The following PRIMPOL variants were observed in gnomAD, a reference collection of about 807,000 sequenced individuals.
PRIMPOL encodes the protein primase and DNA directed polymerase.
In PRIMPOL, 54 loss-of-function variants were observed where a neutral mutation model predicts 63.6. The observed-to-expected ratio is 0.85, with a 90% CI of 0.68 to 1.07. PRIMPOL has a LOEUF of 1.07. Ranked by LOEUF, PRIMPOL falls within the 50% of genes least tolerant of loss-of-function variation. The pLI, the probability that PRIMPOL is intolerant of heterozygous loss-of-function variation, is 0.00. For synonymous variants in PRIMPOL, 197 were observed against 220.2 expected (o/e 0.89, Z 0.93); for missense variants, 610 against 648.3 (o/e 0.94, Z 0.64).
intron 13 of PRIMPOL, among the ~76,000 whole-genome samples, chr4:184,693,973 C>T (rs1759782515): frequency 6.6e-6 from 1 of 152,140 alleles, no homozygotes. Flanking sequence ...TGAATAAGGA[C>T]ATTCTTTACA....
At chr4:184,658,343 C>G (rs1364856340) in intron 3 of PRIMPOL, among the ~76,000 whole-genome samples, 1 of 152,144 alleles carries the variant, frequency 6.6e-6, no homozygotes, top group African/African-American at 2.4e-5. Context: ...TTCATTTGAA[C>G]TTGAATTTTA....
chr4:184,674,882 C>A (rs1752869838), intron 7 of PRIMPOL, among the ~76,000 whole-genome samples: 1 of 152,196 alleles, frequency 6.6e-6, no homozygotes, highest in Non-Finnish European at 1.5e-5. Context: ...AAACCTCAGT[C>A]TATGTACATG....
chr4:184,649,963 GTC>G (rs1192560334), intron 1 of PRIMPOL, 55 bp downstream of exon 1: 1 of 152,236 alleles, frequency 6.6e-6, no homozygotes, highest in Non-Finnish European at 1.5e-5. Context: ...TTACCCTCAG[GTC>G]TCTCTCCCTA....
Position 184,672,372 on chromosome 4 carries a change from G to C in PRIMPOL, c.756G>C (p.Arg252Ser). 6.2e-7 allele frequency: 1 copy of C among 1,614,142 alleles called. No homozygotes were observed. Among genetic ancestry groups the C allele is most frequent in the South Asian group, 1.1e-5 (1 of 91,078 alleles). The change falls in exon 7 of 14, where the codon AGG (arginine) becomes AGC (serine). Residue 252 changes from arginine to serine, a missense_variant. By Grantham distance (110) the Arg-to-Ser change is moderately radical. Transcript: ENST00000314970. Reference sequence around the variant, plus strand: ...CATCGAATTCAAAGAAACTGGAGAGGCTGGGGTCAGCTGAGCAAAGCAGTC... The same window carrying C: ...CATCGAATTCAAAGAAACTGGAGAGCCTGGGGTCAGCTGAGCAAAGCAGTC... ...SWTSNSKKLE[R>S]LGSAEQSSPD...
intron 6 of PRIMPOL, among the ~76,000 whole-genome samples, chr4:184,669,499 C>T (rs1176807674): frequency 6.6e-6 from 1 of 152,172 alleles, no homozygotes; most frequent in African/African-American, 2.4e-5. Flanking sequence ...CTTTGCTTGC[C>T]GTGTACTGGT....
chr4:184,675,058 C>T (rs1371249679), intron 7 of PRIMPOL, among the ~76,000 whole-genome samples: 4 of 152,194 alleles, frequency 2.6e-5, no homozygotes, highest in Non-Finnish European at 4.4e-5. Flanking sequence ...ACACTTTTGA[C>T]TGTGAAGCGC....
intron 8 of PRIMPOL, among the ~76,000 whole-genome samples, chr4:184,679,327 G>A (rs913981491): frequency 1.3e-5 from 2 of 152,224 alleles, no homozygotes; most frequent in Admixed American, 6.6e-5. Context: ...ACAGTAGCAT[G>A]TGCCTGTAGT....
At chr4:184,660,876 C>G (rs934264770) in intron 4 of PRIMPOL, among the ~76,000 whole-genome samples, 8 of 152,152 alleles carry the variant, frequency 5.3e-5, no homozygotes, top group African/African-American at 1.9e-4. Flanking sequence ...TATCACTTAG[C>G]CCAAATTATC....
At chr4:184,692,456 A>AGGAGACT (rs1179031028) in intron 13 of PRIMPOL, among the ~76,000 whole-genome samples, 1 of 138,362 alleles carries the variant, frequency 7.2e-6, no homozygotes, top group African/African-American at 2.7e-5. Flanking sequence ...CCTGGGAGAC[A>AGGAGACT]GAGCGACTCT....
chr4:184,689,451 T>C (rs1757885579), intron 11 of PRIMPOL, among the ~76,000 whole-genome samples: 1 of 130,396 alleles, frequency 7.7e-6, no homozygotes, highest in Admixed American at 7.8e-5. Flanking sequence ...TGGTGCTTTT[T>C]TTTTTTTTTT....
intron 2 of PRIMPOL, 147 bp from the exon 3 acceptor site, chr4:184,656,935 A>G (rs911654366): frequency 1.9e-5 from 8 of 411,732 alleles, no homozygotes; most frequent in African/African-American, 4.1e-5. Flanking sequence ...ATTTCTGATA[A>G]CCAGCCTTGC....
At chr4:184,661,975 C>A in intron 5 of PRIMPOL, 72 bp downstream of exon 5, 1 of 1,424,892 alleles carries the variant, frequency 7.0e-7, no homozygotes, top group Non-Finnish European at 9.6e-7. Flanking sequence ...GTGAATTCAG[C>A]CTACATAATA....
chr4:184,661,190 C>T (rs1478936248), intron 4 of PRIMPOL, among the ~76,000 whole-genome samples: 4 of 152,046 alleles, frequency 2.6e-5, no homozygotes, highest in Admixed American at 2.6e-4. Context: ...ATATCAAACT[C>T]ATCTGTGAAT....
At chr4:184,693,768 A>G (rs755833654) in intron 13 of PRIMPOL, among the ~76,000 whole-genome samples, 2 of 151,690 alleles carry the variant, frequency 1.3e-5, no homozygotes, top group Non-Finnish European at 2.9e-5. Flanking sequence ...ATTTTTGATG[A>G]CTCTCTTAAA....
At chr4:184,665,812 A>G (rs922003223) in intron 5 of PRIMPOL, 105 bp from the exon 6 acceptor site, 2 of 706,172 alleles carry the variant, frequency 2.8e-6, no homozygotes, top group Non-Finnish European at 4.3e-6. Flanking sequence ...ATCAGAAATT[A>G]ATGACTTTTT....
At chr4:184,689,572 C>CG (rs1053173028) in intron 11 of PRIMPOL, among the ~76,000 whole-genome samples, 2 of 9,930 alleles carry the variant, frequency 2.0e-4, no homozygotes, top group Non-Finnish European at 5.5e-4. Context: ...CCTGCCTCAG[C>CG]CCCCCGAGTA....
intron 9 of PRIMPOL, among the ~76,000 whole-genome samples, chr4:184,682,917 G>A (rs564676280): frequency 8.5e-4 from 130 of 152,154 alleles, no homozygotes; most frequent in African/African-American, 2.9e-3. Context: ...AGGAATTGTG[G>A]TGCATGCCTG....
chr4:184,660,909 T>G (rs1245894749), intron 4 of PRIMPOL, among the ~76,000 whole-genome samples: 2 of 152,198 alleles, frequency 1.3e-5, no homozygotes, highest in African/African-American at 2.4e-5. Flanking sequence ...AGTCAGCATC[T>G]CTCCCTATTT....
intron 3 of PRIMPOL, among the ~76,000 whole-genome samples, chr4:184,658,811 G>A (rs368412561): frequency 6.6e-6 from 1 of 151,858 alleles, no homozygotes; most frequent in South Asian, 2.1e-4. Flanking sequence ...GGGAGGCTGA[G>A]GCAGGAGAAT....
Sources: gnomAD v4.1 joint callset for allele counts (sites outside exome capture counted in the v4.1 genomes callset) on GRCh38, gnomAD v4.1.1 for gene constraint, MANE v1.5 for transcripts, NCBI Gene and HGNC (gene_info 2026-07-23, HGNC 2026-07-21) for gene names.